Variants in GPC6 observed in about 807,000 individuals in gnomAD.
GPC6 encodes glypican 6.
A neutral mutation model predicts 55.2 loss-of-function variants in GPC6; 14 were observed. That is an observed-to-expected ratio of 0.25 (90% confidence interval 0.17 to 0.40). The LOEUF (loss-of-function observed/expected upper bound fraction) is 0.40, where lower values mean the gene tolerates loss of function less well. Ranked by LOEUF, GPC6 falls within the 10% of genes least tolerant of loss-of-function variation. GPC6 has a pLI of 1.00. For missense variants in GPC6, 641 were observed against 708.5 expected (o/e 0.90, Z 1.08); for synonymous variants, 278 against 259.6 (o/e 1.07, Z -0.68).
At chr13:93,772,939 T>G (rs538832634) in intron 2 of GPC6, among the ~76,000 whole-genome samples, 8 of 152,270 alleles carry the variant, frequency 5.3e-5, no homozygotes, top group African/African-American at 1.9e-4. Flanking sequence ...GAAAAGTTGT[T>G]ATCATCTAAA....
intron 1 of GPC6, among the ~76,000 whole-genome samples, chr13:93,512,432 T>C (rs1584147): frequency 0.83 from 126,836 of 152,036 alleles, 53,974 homozygotes; most frequent in Non-Finnish European, 0.92. Context: ...AATCGTTTTT[T>C]CTTTCATTCT....
At chr13:94,146,679 G>C (rs914813908) in intron 4 of GPC6, among the ~76,000 whole-genome samples, 1 of 152,038 alleles carries the variant, frequency 6.6e-6, no homozygotes, top group South Asian at 2.1e-4. Context: ...TACCTCACAA[G>C]ATTTAAAAAG....
intron 1 of GPC6, among the ~76,000 whole-genome samples, chr13:93,294,755 T>C (rs1355315279): frequency 6.6e-6 from 1 of 152,170 alleles, no homozygotes; most frequent in Admixed American, 6.5e-5. Flanking sequence ...GAGTTCTATC[T>C]AATGTAACTA....
intron 7 of GPC6, among the ~76,000 whole-genome samples, chr13:94,384,726 C>T (rs996783072): frequency 6.6e-6 from 1 of 152,104 alleles, no homozygotes; most frequent in African/African-American, 2.4e-5. Context: ...CACTGTTACC[C>T]AATGAACAAG....
chr13:93,513,099 T>A (rs949807512), intron 1 of GPC6, among the ~76,000 whole-genome samples: 2 of 152,166 alleles, frequency 1.3e-5, no homozygotes, highest in African/African-American at 4.8e-5. Context: ...GATTACAAAC[T>A]TGAGTCCCTG....
intron 2 of GPC6, among the ~76,000 whole-genome samples, chr13:93,712,829 A>C (rs573436841): frequency 6.6e-6 from 1 of 151,756 alleles, no homozygotes; most frequent in Admixed American, 6.6e-5. Context: ...AATCAATTCC[A>C]TTTATATTTC....
intron 2 of GPC6, among the ~76,000 whole-genome samples, chr13:93,576,515 G>C (rs1594281504): frequency 6.6e-6 from 1 of 152,052 alleles, no homozygotes; most frequent in East Asian, 1.9e-4. Context: ...TATGACACAG[G>C]TTTTTTAATA....
At chr13:93,681,394 C>T (rs934506703) in intron 2 of GPC6, among the ~76,000 whole-genome samples, 2 of 151,984 alleles carry the variant, frequency 1.3e-5, no homozygotes, top group African/African-American at 2.4e-5. Flanking sequence ...TGCTGATATG[C>T]AATTTAATTG....
At chr13:94,179,872 A>C (rs1286443754) in intron 4 of GPC6, among the ~76,000 whole-genome samples, 1 of 152,206 alleles carries the variant, frequency 6.6e-6, no homozygotes, top group Non-Finnish European at 1.5e-5. Flanking sequence ...AAATGTGAGC[A>C]GAAGGTGAAA....
At position 93,380,075 on chromosome 13, in the gene GPC6, TTTTA is replaced by T. The variant is rs1454308420; in HGVS notation, c.160+152465_160+152468del. 1.8e-4 allele frequency among the ~76,000 whole-genome samples: 28 copies of T among 152,212 alleles called. No homozygotes were observed. In the East Asian group the frequency reaches 5.4e-3, roughly 29 times the overall value. On this transcript the variant is annotated intron_variant, in intron 1 of 8. Coordinates refer to ENST00000377047, the MANE Select transcript of GPC6 (RefSeq NM_005708.5). ...AAAATGCTGGTAAGGGATATTTACATTTTATTTATGGTCTTAATATGCAGGAGAA... is the reference window on the plus strand; with the variant it reads ...AAAATGCTGGTAAGGGATATTTACATTTTATGGTCTTAATATGCAGGAGAA...
intron 2 of GPC6, among the ~76,000 whole-genome samples, chr13:93,821,438 T>C (rs2138966067): frequency 6.6e-6 from 1 of 152,264 alleles, no homozygotes; most frequent in South Asian, 2.1e-4. Context: ...GCTGGGGACG[T>C]TCAGTACTAG....
chr13:93,400,955 G>T (rs765146132), intron 1 of GPC6, among the ~76,000 whole-genome samples: 4 of 152,136 alleles, frequency 2.6e-5, no homozygotes, highest in Non-Finnish European at 5.9e-5. Flanking sequence ...ACATGTCAGG[G>T]CCTCTGGAAC....
intron 1 of GPC6, among the ~76,000 whole-genome samples, chr13:93,465,060 G>C (rs1383042565): frequency 6.6e-6 from 1 of 152,182 alleles, no homozygotes; most frequent in Non-Finnish European, 1.5e-5. Flanking sequence ...TACATCTCAA[G>C]GGTGAGTTTA....
intron 3 of GPC6, among the ~76,000 whole-genome samples, chr13:93,956,916 T>C (rs1361556208): frequency 6.6e-6 from 1 of 152,176 alleles, no homozygotes; most frequent in African/African-American, 2.4e-5. Flanking sequence ...AGAATCTAGA[T>C]AAAAACAGCC....
intron 3 of GPC6, among the ~76,000 whole-genome samples, chr13:93,978,313 G>A (rs1331784096): frequency 6.6e-6 from 1 of 152,140 alleles, no homozygotes; most frequent in South Asian, 2.1e-4. Flanking sequence ...GATAGATAAT[G>A]AATTTGTTTT....
At chr13:94,023,645 A>G (rs1247176557) in intron 3 of GPC6, among the ~76,000 whole-genome samples, 1 of 152,088 alleles carries the variant, frequency 6.6e-6, no homozygotes, top group East Asian at 1.9e-4. Context: ...AGAGAAATGA[A>G]AATGTATATT....
In GPC6 at chr13:93,856,447, C is replaced by T. The variant is rs148397958; in HGVS notation, c.711+25902C>T. Reference sequence around the variant, plus strand: ...ACTGAGAGGTCCAGAAGGCATGGATCCTCACTACAAAAATATCAGAATAAG... The same window carrying T: ...ACTGAGAGGTCCAGAAGGCATGGATTCTCACTACAAAAATATCAGAATAAG... On this transcript the variant is annotated intron_variant, in intron 3 of 8. Coordinates refer to ENST00000377047, the MANE Select transcript of GPC6 (RefSeq NM_005708.5). Among the ~76,000 whole-genome samples the T allele has an allele frequency of 2.6e-3, 397 of 151,578 alleles. 4 individuals are homozygous for T. Among genetic ancestry groups the T allele is most frequent in the African/African-American group, 9.3e-3 (384 of 41,442 alleles).
intron 4 of GPC6, among the ~76,000 whole-genome samples, chr13:94,219,980 G>A (rs1471608646): frequency 6.6e-6 from 1 of 151,992 alleles, no homozygotes; most frequent in Admixed American, 6.6e-5. Context: ...TTTTTCCATT[G>A]CGCATGCCTG....
intron 6 of GPC6, among the ~76,000 whole-genome samples, chr13:94,327,708 G>A (rs990756277): frequency 6.6e-6 from 1 of 152,172 alleles, no homozygotes; most frequent in African/African-American, 2.4e-5. Context: ...GAGTATTTTT[G>A]TGAGAGGTTT....
Sources: allele counts gnomAD v4.1 joint callset (sites outside exome capture counted in the v4.1 genomes callset), GRCh38; gene constraint gnomAD v4.1.1; transcripts MANE v1.5; gene names NCBI Gene and HGNC (gene_info 2026-07-23, HGNC 2026-07-21).